TCHP: variants seen among roughly 807,000 people sequenced by gnomAD.
The protein encoded by TCHP is trichoplein keratin filament binding.
In TCHP, 81 loss-of-function variants were observed where a neutral mutation model predicts 88.7. The ratio of observed to expected loss-of-function variants is 0.91; its 90% confidence interval spans 0.76 to 1.10. TCHP has a LOEUF of 1.10. TCHP is among the 50% of genes least tolerant of loss of function. The pLI is 0.00. For synonymous variants in TCHP, 232 were observed against 232.5 expected (o/e 1.00, Z 0.02); for missense variants, 641 against 632.1 (o/e 1.01, Z -0.15).
chr12:109,901,896 G>T (rs1869820407), intron 1 of TCHP, among the ~76,000 whole-genome samples: 1 of 152,106 alleles, frequency 6.6e-6, no homozygotes, highest in Admixed American at 6.6e-5. Context: ...GTCTCAAACT[G>T]TGGCGTTTCT....
intron 4 of TCHP, 103 bp downstream of exon 4, chr12:109,904,896 A>C: frequency 9.0e-7 from 1 of 1,113,208 alleles, no homozygotes; most frequent in Admixed American, 2.3e-5. Flanking sequence ...GAAACAGAGG[A>C]GGGAACCTTG....
intron 12 of TCHP, among the ~76,000 whole-genome samples, chr12:109,915,883 T>C (rs1870794600): frequency 6.6e-6 from 1 of 152,188 alleles, no homozygotes; most frequent in Admixed American, 6.5e-5. Flanking sequence ...AGGCCTCAAC[T>C]GTTGAGACAG....
At chr12:109,888,984 C>T in the TCHP span, among the ~76,000 whole-genome samples, 1 of 148,174 alleles carries the variant, frequency 6.7e-6, no homozygotes, top group Non-Finnish European at 1.5e-5. Context: ...CTCCTTGAGT[C>T]GAGGAGTTTG....
intron 4 of TCHP, 174 bp downstream of exon 4, chr12:109,904,967 C>G (rs927553150): frequency 1.7e-6 from 1 of 596,728 alleles, no homozygotes; most frequent in East Asian, 2.9e-5. Context: ...GCGGCTCATT[C>G]GGTTGTTGAA....
Position 109,914,436 on chromosome 12 carries a change from G to A in TCHP, c.1135-6G>A, listed in dbSNP as rs776731155. ...AAAGCTGCCCTTTTCTTTCTGCTGA[G>A]GTTAGGTTCTGACAGGGAGACAACA... On this transcript the variant is annotated splice_polypyrimidine_tract_variant and splice_region_variant and intron_variant, in intron 10 of 12. Transcript: ENST00000405876. The A allele has an allele frequency of 3.1e-6, 5 of 1,608,690 alleles. No homozygotes were observed. In the Admixed American group the frequency reaches 6.7e-5, roughly 22 times the overall value.
At chr12:109,890,340 A>G in the TCHP span, among the ~76,000 whole-genome samples, 4 of 150,984 alleles carry the variant, frequency 2.6e-5, no homozygotes, top group South Asian at 8.4e-4. Flanking sequence ...ATGGGGGCGC[A>G]TGTGCCTGTG....
At chr12:109,892,134 C>T in the TCHP span, among the ~76,000 whole-genome samples, 1 of 152,094 alleles carries the variant, frequency 6.6e-6, no homozygotes, top group East Asian at 1.9e-4. Context: ...TTGCAGTGAC[C>T]TGAGATTGTG....
rs142930724 is a variant in TCHP at position 109,907,594 on chromosome 12, G to A, written c.594G>A (p.Ala198=). 5.6e-5 allele frequency: 91 copies of A among 1,614,134 alleles called. No individual in the cohort carries two copies. The highest frequency in any genetic ancestry group is 1.6e-4 in the Middle Eastern group (1 of 6,082). ...AATATGAAAGGGCCCGAAGGGAGGC[G>A]CTAGAAAGGATGAAAGCTGAAGAGG... is the stretch of plus-strand genomic sequence containing the variant. ...ENEYERARRE[A]LERMKAEEER... is the part of the protein sequence containing the mutation. The change falls in exon 6 of 13, where the codon GCG becomes GCA. Residue 198 remains alanine (A), a synonymous_variant. Coordinates refer to ENST00000405876, the MANE Select transcript of TCHP (RefSeq NM_001143852.2).
chr12:109,897,622 C>A (rs927065590), upstream of TCHP, among the ~76,000 whole-genome samples: 1 of 150,482 alleles, frequency 6.6e-6, no homozygotes, highest in South Asian at 2.1e-4. Flanking sequence ...GTTCAGCGGT[C>A]AGATCTCGGC....
At chr12:109,909,504 A>C (rs1870360944) in intron 8 of TCHP, among the ~76,000 whole-genome samples, 1 of 152,196 alleles carries the variant, frequency 6.6e-6, no homozygotes, top group East Asian at 1.9e-4. Flanking sequence ...AGCATCTTCA[A>C]TTAACACTAA....
chr12:109,912,225 G>A (rs989811112), intron 9 of TCHP, among the ~76,000 whole-genome samples: 6 of 152,206 alleles, frequency 3.9e-5, no homozygotes, highest in Non-Finnish European at 5.9e-5. Context: ...ACTGCATGCT[G>A]GACACTGTGC....
the TCHP span, among the ~76,000 whole-genome samples, chr12:109,889,948 T>G: frequency 6.6e-6 from 1 of 152,216 alleles, no homozygotes; most frequent in African/African-American, 2.4e-5. Context: ...CGCCTCTCCC[T>G]AATTAATGCG....
upstream of TCHP, among the ~76,000 whole-genome samples, chr12:109,896,792 G>A (rs1869571834): frequency 6.6e-6 from 1 of 152,146 alleles, no homozygotes; most frequent in South Asian, 2.1e-4. Flanking sequence ...GCGGGCACCT[G>A]TAATCCCAGC....
chr12:109,901,859 C>G (rs1255319584), intron 1 of TCHP, among the ~76,000 whole-genome samples: 1 of 152,232 alleles, frequency 6.6e-6, no homozygotes, highest in African/African-American at 2.4e-5. Context: ...CTCTTGGGCA[C>G]TGGCTAAATA....
At chr12:109,913,136 G>T in intron 10 of TCHP, 64 bp downstream of exon 10, 2 of 1,473,768 alleles carry the variant, frequency 1.4e-6, no homozygotes, top group Non-Finnish European at 1.9e-6. Context: ...GGAAGTCCAT[G>T]GTCAGTCACC....
intron 9 of TCHP, among the ~76,000 whole-genome samples, chr12:109,912,619 T>A (rs1488905690): frequency 6.6e-6 from 1 of 152,084 alleles, no homozygotes; most frequent in Non-Finnish European, 1.5e-5. Context: ...GGTGAAACCC[T>A]GTCTCTACTA....
rs149921078 is a variant in TCHP at position 109,914,571 on chromosome 12, G to A, written c.1264G>A (p.Glu422Lys). The change falls in exon 11 of 13, where the codon GAG becomes AAG. Residue 422 changes from glutamate to lysine, a missense_variant. Physicochemically the swap from Glu to Lys is moderately conservative, Grantham distance 56. Transcript: ENST00000405876. ...LEEVRELARR[E>K]KEESEKLKSA... ...GGAGGTGAGAGAGTTGGCTCGTCGC[G>A]AGAAAGAGGAGAGTGAAAAGCTGAA... The A allele has an allele frequency of 2.1e-5, 34 of 1,613,408 alleles. No homozygotes were observed. Among genetic ancestry groups the A allele is most frequent in the Middle Eastern group, 1.8e-4 (1 of 5,634 alleles).
chr12:109,900,581 G>GTTGC (rs1869727073), intron 1 of TCHP, 155 bp downstream of exon 1: 1 of 152,270 alleles, frequency 6.6e-6, no homozygotes, highest in African/African-American at 2.4e-5. Flanking sequence ...GACCCCATTT[G>GTTGC]TTGCACGTGC....
intron 10 of TCHP, among the ~76,000 whole-genome samples, chr12:109,913,899 C>T (rs1870648097): frequency 6.6e-6 from 1 of 152,168 alleles, no homozygotes; most frequent in Admixed American, 6.5e-5. Context: ...TTCTGTTCCC[C>T]CCAGCCCTGC....
Sources: allele counts gnomAD v4.1 joint callset (sites outside exome capture counted in the v4.1 genomes callset), GRCh38; gene constraint gnomAD v4.1.1; transcripts MANE v1.5; gene names NCBI Gene and HGNC (gene_info 2026-07-23, HGNC 2026-07-21).